PREX2: variants seen among roughly 807,000 people sequenced by gnomAD.
The protein encoded by PREX2 is phosphatidylinositol-3,4,5-trisphosphate dependent Rac exchange factor 2.
Under a neutral mutation model 203.2 loss-of-function variants are expected in PREX2, and 107 were observed. The observed-to-expected ratio is 0.53, with a 90% confidence interval of 0.45 to 0.62. The LOEUF (loss-of-function observed/expected upper bound fraction) is 0.62. PREX2 is among the 20% of genes least tolerant of loss of function. PREX2 has a pLI of 0.00. For synonymous variants in PREX2, 672 were observed against 663.6 expected (o/e 1.01, Z -0.19); for missense variants, 1,777 against 1,955.9 (o/e 0.91, Z 1.72).
At chr8:68,079,046 G>A (rs768863076) in intron 15 of PREX2, among the ~76,000 whole-genome samples, 3 of 152,148 alleles carry the variant, frequency 2.0e-5, no homozygotes, top group Non-Finnish European at 2.9e-5. Flanking sequence ...TGAGCTAGGC[G>A]CAGTGGCTCA....
Position 68,236,505 on chromosome 8 carries a change from A to G in PREX2, c.*5127A>G, listed in dbSNP as rs1240029756. The G allele has an allele frequency of 6.6e-6, 1 of 152,166 alleles. No homozygotes were observed. The highest frequency in any genetic ancestry group is 6.5e-5 in the Admixed American group (1 of 15,268). The allele number at this position is 152,166 out of a possible 1,614,324, so 9.4% of individuals were successfully genotyped here. On this transcript the variant is annotated 3_prime_UTR_variant, in exon 40 of 40. Transcript: ENST00000288368. ...TGGCATTATTTGTAACACAAACCTA[A>G]TATCATATATACAAATATACTGTAT...
At chr8:68,083,450 A>C in intron 18 of PREX2, 62 bp downstream of exon 18, 1 of 1,269,200 alleles carries the variant, frequency 7.9e-7, no homozygotes, top group Non-Finnish European at 1.1e-6. Context: ...AACACAGAAA[A>C]GATAACTAAG....
chr8:68,017,237 T>A (rs1220951040), intron 1 of PREX2, among the ~76,000 whole-genome samples: 1 of 152,000 alleles, frequency 6.6e-6, no homozygotes, highest in Non-Finnish European at 1.5e-5. Flanking sequence ...CATAGAGGTA[T>A]GGAGAGCCCG....
At chr8:68,131,590 C>G (rs1237706372) in intron 31 of PREX2, among the ~76,000 whole-genome samples, 1 of 152,076 alleles carries the variant, frequency 6.6e-6, no homozygotes, top group African/African-American at 2.4e-5. Context: ...TAATTGCAAT[C>G]AGTTCTGATT....
At chr8:67,959,172 G>C (rs1805565880) in intron 1 of PREX2, among the ~76,000 whole-genome samples, 2 of 152,176 alleles carry the variant, frequency 1.3e-5, no homozygotes, top group South Asian at 4.1e-4. Context: ...AAAGAACTAG[G>C]AGAAGTTGAT....
intron 1 of PREX2, among the ~76,000 whole-genome samples, chr8:67,978,508 G>A (rs574363462): frequency 1.9e-4 from 29 of 152,180 alleles, no homozygotes; most frequent in African/African-American, 6.3e-4. Context: ...TACTATGTTT[G>A]TGGGATTATC....
chr8:68,140,060 A>G (rs2129613534), intron 33 of PREX2, among the ~76,000 whole-genome samples: 1 of 152,322 alleles, frequency 6.6e-6, no homozygotes. Flanking sequence ...CTCCTATGAC[A>G]TTATTGGCAA....
chr8:68,224,302 C>G lies in PREX2; in HGVS notation c.4708-257C>G, dbSNP rs555762290. 5.9e-5 allele frequency among the ~76,000 whole-genome samples: 9 copies of G among 152,280 alleles called. No individual in the cohort carries two copies. In the East Asian group the frequency reaches 1.5e-3, roughly 26 times the overall value. The stretch of plus-strand genomic sequence containing the variant: ...AAAGTACTGGAATTACAGGCATGAG[C>G]CACTGTGCCTGGCCTGTTTTCAACA... On this transcript the variant is annotated intron_variant, in intron 38 of 39. Coordinates refer to ENST00000288368, the MANE Select transcript of PREX2 (RefSeq NM_024870.4).
chr8:68,126,522 G>A (rs1244840282), intron 30 of PREX2, among the ~76,000 whole-genome samples: 1 of 151,962 alleles, frequency 6.6e-6, no homozygotes, highest in African/African-American at 2.4e-5. Context: ...ATCCTTTTCT[G>A]CTTTCAGTCT....
At chr8:68,054,739 G>T (rs1333148076) in intron 9 of PREX2, among the ~76,000 whole-genome samples, 2 of 152,060 alleles carry the variant, frequency 1.3e-5, no homozygotes, top group African/African-American at 4.8e-5. Context: ...GTCCAGCCTT[G>T]CCCTCTCCCC....
At chr8:68,228,000 A>C (rs922069812) in intron 39 of PREX2, among the ~76,000 whole-genome samples, 4 of 152,160 alleles carry the variant, frequency 2.6e-5, no homozygotes, top group Non-Finnish European at 5.9e-5. Flanking sequence ...ATGCACACAA[A>C]GAGCTTGCAG....
At chr8:68,208,909 C>T (rs936569283) in intron 37 of PREX2, among the ~76,000 whole-genome samples, 3 of 151,592 alleles carry the variant, frequency 2.0e-5, no homozygotes, top group African/African-American at 4.8e-5. Context: ...GACAACATAG[C>T]GAGACCCTAT....
chr8:68,105,667 CATATATATATGGATTATATATAT>C (rs1004346187), intron 23 of PREX2: 27 of 448,350 alleles, frequency 6.0e-5, no homozygotes, highest in Middle Eastern at 2.4e-3. Flanking sequence ...AATGACAGAC[CATATATATATGGATTATATATAT>C]ATATATATAT....
chr8:67,970,397 A>G (rs922932546), intron 1 of PREX2, among the ~76,000 whole-genome samples: 1 of 152,214 alleles, frequency 6.6e-6, no homozygotes, highest in Non-Finnish European at 1.5e-5. Context: ...TGTAATGACC[A>G]TCAGCCTTTC....
In PREX2 at chr8:68,146,254, A is replaced by G; in HGVS notation, c.4133A>G (p.Lys1378Arg). 1 of 1,612,090 alleles carries G rather than the reference A, an allele frequency of 6.2e-7. No individual in the cohort carries two copies. Among genetic ancestry groups the G allele is most frequent in the Non-Finnish European group, 8.5e-7 (1 of 1,178,886 alleles). Reference protein sequence around the residue: ...YQAEGSRQALKVYFYIDSYHF... With the variant: ...YQAEGSRQALRVYFYIDSYHF... ...GCAGAAGGAAGTCGGCAAGCTCTGAAAGTTTACTTCTACATTGATAGTTAT... is the reference window on the plus strand; with the variant it reads ...GCAGAAGGAAGTCGGCAAGCTCTGAGAGTTTACTTCTACATTGATAGTTAT... The change falls in exon 34 of 40, where the codon AAA (lysine) becomes AGA (arginine). Residue 1378 changes from lysine to arginine, a missense_variant. By Grantham distance (26) the Lys-to-Arg change is conservative. Transcript: ENST00000288368.
At chr8:68,164,565 T>TC (rs1022574564) in intron 35 of PREX2, among the ~76,000 whole-genome samples, 1 of 149,820 alleles carries the variant, frequency 6.7e-6, no homozygotes, top group Admixed American at 6.8e-5. Context: ...GGCTTTTTTT[T>TC]CTTTCTTTTT....
chr8:68,140,194 A>G (rs1439816762), intron 33 of PREX2, among the ~76,000 whole-genome samples: 3 of 152,196 alleles, frequency 2.0e-5, no homozygotes, highest in Non-Finnish European at 4.4e-5. Context: ...AATAATTGGG[A>G]CCATGTAAGC....
intron 22 of PREX2, among the ~76,000 whole-genome samples, chr8:68,098,927 CATATATATGTGTATATATATATATATAT>C (rs1368502958): frequency 9.4e-6 from 1 of 106,580 alleles, no homozygotes; most frequent in African/African-American, 4.0e-5. Flanking sequence ...AGAAATGCTA[CATATATATGTGTATATATATATATATAT>C]ATATATATAT....
intron 38 of PREX2, among the ~76,000 whole-genome samples, chr8:68,220,908 G>A (rs190048516): frequency 4.7e-4 from 71 of 152,252 alleles, no homozygotes; most frequent in Non-Finnish European, 9.3e-4. Flanking sequence ...GTGCAGGTTT[G>A]TTACATGGAT....
Sources: allele counts gnomAD v4.1 joint callset (sites outside exome capture counted in the v4.1 genomes callset), GRCh38; gene constraint gnomAD v4.1.1; transcripts MANE v1.5; gene names NCBI Gene and HGNC (gene_info 2026-07-23, HGNC 2026-07-21).